Variants in CBX2 observed in about 807,000 individuals in gnomAD.
The protein encoded by CBX2 is chromobox 2.
CBX2 carries 11 observed loss-of-function variants against 21.0 expected under a neutral mutation model. That is an observed-to-expected ratio of 0.52 (90% CI 0.33 to 0.87). The LOEUF is 0.87. Ranked by LOEUF, CBX2 falls within the 40% of genes least tolerant of loss-of-function variation. The pLI, the probability that CBX2 is intolerant of heterozygous loss-of-function variation, is 0.02. For missense variants in CBX2, 746 were observed against 724.3 expected (o/e 1.03, Z -0.34); for synonymous variants, 364 against 304.6 (o/e 1.19, Z -2.03).
chr17:79,781,563 A>G (rs1320944871), intron 3 of CBX2, 133 bp from the exon 4 acceptor site: 51 of 798,196 alleles, frequency 6.4e-5, no homozygotes, highest in Non-Finnish European at 9.1e-5. Flanking sequence ...TGGGTATTTG[A>G]TGATGTGTTT....
At chr17:79,781,479 C>T (rs1443245636) in intron 3 of CBX2, among the ~76,000 whole-genome samples, 3 of 152,194 alleles carry the variant, frequency 2.0e-5, no homozygotes, top group Non-Finnish European at 2.9e-5. Context: ...CTGTCTTCAG[C>T]TTGTCCTTAG....
At chr17:79,779,332 T>C (rs782438782) in intron 2 of CBX2, 30 bp from the exon 3 acceptor site, 24 of 1,609,434 alleles carry the variant, frequency 1.5e-5, no homozygotes, top group Admixed American at 3.4e-5. Flanking sequence ...CAGCCTGGCG[T>C]CTAATGCTGC....
chr17:79,778,910 T>A lies in CBX2; in HGVS notation c.117-452T>A, dbSNP rs1906945455. On this transcript the variant is annotated intron_variant, in intron 2 of 4. Coordinates refer to ENST00000310942, the MANE Select transcript of CBX2 (RefSeq NM_005189.3). This position sits in a 1 kb window ranked among gnomAD's most constrained non-coding sequence, Gnocchi z 4.8. Reference sequence around the variant, plus strand: ...CTGCGTCTTCCCGGACCCCGCTCTTTCTTCGCTACCCCTCGAGGTGCCCCG... The same window carrying A: ...CTGCGTCTTCCCGGACCCCGCTCTTACTTCGCTACCCCTCGAGGTGCCCCG... Among the ~76,000 whole-genome samples, 1 of 152,114 alleles carries A rather than the reference T, an allele frequency of 6.6e-6. No individual in the cohort carries two copies. The highest frequency in any genetic ancestry group is 1.5e-5 in the Non-Finnish European group (1 of 68,014).
chr17:79,780,521 G>A (rs1412928434), intron 3 of CBX2, among the ~76,000 whole-genome samples: 2 of 152,108 alleles, frequency 1.3e-5, no homozygotes, highest in Admixed American at 1.3e-4. Context: ...TTCAGAGGCT[G>A]GTGCGCTTCT....
At chr17:79,779,626 A>G (rs1396774513) in intron 3 of CBX2, 199 bp downstream of exon 3, 1 of 611,740 alleles carries the variant, frequency 1.6e-6, no homozygotes, top group Admixed American at 2.7e-5. Flanking sequence ...TCTCCTAGCC[A>G]GCCTGTATCC....
chr17:79,784,870 C>T lies in CBX2; in HGVS notation c.1427C>T (p.Pro476Leu), dbSNP rs782567046. 1.9e-5 allele frequency: 30 copies of T among 1,613,216 alleles called. No homozygotes were observed. Among genetic ancestry groups the T allele is most frequent in the Admixed American group, 3.3e-5 (2 of 60,002 alleles). ...SSDSDPDSAS[P>L]PSTGQNPSVS... ...GACTCCGACCCCGACTCCGCCTCGC[C>T]GCCCAGCACTGGACAGAACCCGTCA... is the stretch of plus-strand genomic sequence containing the variant. Residue 476 changes from proline (P) to leucine (L), a missense_variant, in exon 5 of 5, where the codon CCG (proline) becomes CTG (leucine). This residue lies in a region of CBX2 where 701 missense variants were observed against 650.7 expected (regional missense o/e 1.08). Coordinates refer to ENST00000310942, the MANE Select transcript of CBX2 (RefSeq NM_005189.3). This position sits in a 1 kb window ranked among gnomAD's most constrained non-coding sequence, Gnocchi z 5.9.
rs1361400790 is a variant in CBX2, at chr17:79,778,166, G to C, written c.-70G>C. ...CGGGGGCGGTGCTTTGTGTGCTGCC[G>C]GCGGGGCGCGCGGCGGTCCGGGCGG... is the stretch of plus-strand genomic sequence containing the variant. On this transcript the variant is annotated 5_prime_UTR_variant, in exon 1 of 5. Transcript: ENST00000310942. This position sits in a 1 kb window ranked among gnomAD's most constrained non-coding sequence, Gnocchi z 4.8. 26 of 934,516 alleles carry C rather than the reference G, an allele frequency of 2.8e-5. No homozygotes were observed. The highest frequency in any genetic ancestry group is 3.5e-5 in the Non-Finnish European group (26 of 743,048). The allele number at this position is 934,516 out of a possible 1,614,324, so 57.9% of individuals were successfully genotyped here.
rs782425658 is a variant in CBX2 at position 79,781,964 on chromosome 17, A to G, written c.288+163A>G. 125 of 1,614,124 alleles carry G rather than the reference A, an allele frequency of 7.7e-5. No homozygotes were observed. In the South Asian group the frequency reaches 1.4e-3, roughly 17 times the overall value. On this transcript the variant is annotated intron_variant, in intron 4 of 4. Coordinates refer to ENST00000310942, the MANE Select transcript of CBX2 (RefSeq NM_005189.3). ...GGAGCCCCCTTTCTTCCTGTCTCTC[A>G]GCTTCTGCTGCCAGGGGCCCCAGCC...
rs782630951 is a variant in CBX2, at chr17:79,779,490, C to G, written c.182+63C>G. The G allele has an allele frequency of 2.4e-4, 347 of 1,473,896 alleles. 1 individual carries two copies. The highest frequency in any genetic ancestry group is 1.3e-3 in the Middle Eastern group (6 of 4,732). The allele number at this position is 1,473,896 out of a possible 1,614,324, so 91.3% of individuals were successfully genotyped here. On this transcript the variant is annotated intron_variant, in intron 3 of 4. Transcript: ENST00000310942. The stretch of plus-strand genomic sequence containing the variant: ...GGGACGGTGGCTGGTTGGAGTCGTG[C>G]TGGGCGCTGCTCGCCTGCCGGGAGG...
chr17:79,782,496 G>A lies in CBX2; in HGVS notation c.288+695G>A, dbSNP rs1422399313. ...GAGGAGGGCCTGGCCTCAGTCCCGGGTGTGGCTTTGATTCCCTCCTCCGGG... is the reference window on the plus strand; with the variant it reads ...GAGGAGGGCCTGGCCTCAGTCCCGGATGTGGCTTTGATTCCCTCCTCCGGG... On this transcript the variant is annotated intron_variant, in intron 4 of 4. Coordinates refer to ENST00000310942, the MANE Select transcript of CBX2 (RefSeq NM_005189.3). 4 of 1,190,584 alleles carry A rather than the reference G, an allele frequency of 3.4e-6. No individual in the cohort carries two copies. The African/African-American group carries it at 4.7e-5, about 14-fold the overall frequency. The allele number at this position is 1,190,584 out of a possible 1,614,324, so 73.8% of individuals were successfully genotyped here.
chr17:79,783,588 T>C (rs2047681614), intron 4 of CBX2, 144 bp from the exon 5 acceptor site: 1 of 720,250 alleles, frequency 1.4e-6, no homozygotes. Context: ...TTTTGTATTT[T>C]TAGTAGAAAC....
chr17:79,780,116 C>T (rs782625468), intron 3 of CBX2, among the ~76,000 whole-genome samples: 3 of 152,200 alleles, frequency 2.0e-5, no homozygotes, highest in Non-Finnish European at 4.4e-5. Flanking sequence ...TGGATGTGCC[C>T]ACCTGGCATG....
chr17:79,779,329 G>T (rs1555829722), intron 2 of CBX2, 33 bp from the exon 3 acceptor site: 1 of 1,606,432 alleles, frequency 6.2e-7, no homozygotes. Flanking sequence ...CATCAGCCTG[G>T]CGTCTAATGC....
chr17:79,778,936 G>A lies in CBX2; in HGVS notation c.117-426G>A, dbSNP rs1360629093. ...CTTCGCTACCCCTCGAGGTGCCCCG[G>A]CCCGCGCGCCACATTGTTCTGGATC... On this transcript the variant is annotated intron_variant, in intron 2 of 4. Coordinates refer to ENST00000310942, the MANE Select transcript of CBX2 (RefSeq NM_005189.3). This position sits in a 1 kb window ranked among gnomAD's most constrained non-coding sequence, Gnocchi z 4.8. Among the ~76,000 whole-genome samples, 1 of 152,132 alleles carries A rather than the reference G, an allele frequency of 6.6e-6. No homozygotes were observed. Among genetic ancestry groups the A allele is most frequent in the East Asian group, 1.9e-4 (1 of 5,186 alleles).
At chr17:79,782,904 A>G (rs535574464) in intron 4 of CBX2, among the ~76,000 whole-genome samples, 320 of 152,182 alleles carry the variant, frequency 2.1e-3, no homozygotes, top group Non-Finnish European at 4.0e-3. Context: ...CTTATTTAAC[A>G]TTGGCGGTGA....
rs1244466486 is a variant in CBX2 at position 79,783,718 on chromosome 17, C to CT, written c.289-11dup. On this transcript the variant is annotated splice_polypyrimidine_tract_variant and intron_variant, in intron 4 of 4. Transcript: ENST00000310942. ...AGCCACTGCACCCAGCCAACTTCTC[C>CT]TTTATCTTTCCAGGAACCCGATGCT... 6.4e-7 allele frequency: 1 copy of CT among 1,551,118 alleles called. No homozygotes were observed. The highest frequency in any genetic ancestry group is 1.4e-5 in the African/African-American group (1 of 73,036).
At chr17:79,782,541 C>T (rs751785119) in intron 4 of CBX2, 86 of 1,074,896 alleles carry the variant, frequency 8.0e-5, no homozygotes, top group South Asian at 5.8e-4. Flanking sequence ...TGGACCTTCG[C>T]GTGTTGTGGC....
Position 79,778,942 on chromosome 17 carries a change from G to T in CBX2, c.117-420G>T, listed in dbSNP as rs891847001. Among the ~76,000 whole-genome samples the T allele has an allele frequency of 4.6e-5, 7 of 152,160 alleles. No homozygotes were observed. Among genetic ancestry groups the T allele is most frequent in the Admixed American group, 3.3e-4 (5 of 15,292 alleles). On this transcript the variant is annotated intron_variant, in intron 2 of 4. Coordinates refer to ENST00000310942, the MANE Select transcript of CBX2 (RefSeq NM_005189.3). The surrounding 1 kb of genome is among the most constrained non-coding windows in gnomAD (Gnocchi z 4.8). ...TACCCCTCGAGGTGCCCCGGCCCGC[G>T]CGCCACATTGTTCTGGATCTCGGGC...
intron 3 of CBX2, chr17:79,779,633 A>G (rs1907019063): frequency 6.6e-6 from 4 of 604,172 alleles, no homozygotes; most frequent in Non-Finnish European, 1.2e-5. Context: ...GCCAGCCTGT[A>G]TCCATCCCTG....
Sources: gnomAD v4.1 joint callset for allele counts (sites outside exome capture counted in the v4.1 genomes callset) on GRCh38, gnomAD v4.1.1 for gene constraint, gnomAD v4.1.1 regional missense constraint, Gnocchi (gnomAD v3.1) non-coding constraint, MANE v1.5 for transcripts, NCBI Gene and HGNC (gene_info 2026-07-23, HGNC 2026-07-21) for gene names.